CSGALNACT1: variants seen among roughly 807,000 people sequenced by gnomAD.
CSGALNACT1 encodes beta4GalNAcT-1.
In CSGALNACT1, 52 loss-of-function variants were observed where a neutral mutation model predicts 51.0. The observed-to-expected ratio is 1.02, with a 90% CI of 0.82 to 1.29. The LOEUF (loss-of-function observed/expected upper bound fraction) is 1.29. Among genes scored for constraint, CSGALNACT1 ranks in the 50% most tolerant of loss-of-function variants. The pLI is 0.00. For synonymous variants in CSGALNACT1, 341 were observed against 254.4 expected (o/e 1.34, Z -3.24); for missense variants, 935 against 679.2 (o/e 1.38, Z -4.19).
intron 1 of CSGALNACT1, among the ~76,000 whole-genome samples, chr8:19,691,889 C>T (rs1214771883): frequency 2.1e-5 from 3 of 143,664 alleles, no homozygotes; most frequent in African/African-American, 4.9e-5. Flanking sequence ...TGTATTGCAC[C>T]GTTTTCACAC....
intron 1 of CSGALNACT1, among the ~76,000 whole-genome samples, chr8:19,659,664 A>G (rs1031356686): frequency 3.3e-5 from 5 of 152,204 alleles, no homozygotes; most frequent in African/African-American, 1.2e-4. Flanking sequence ...TCTTTTACAT[A>G]TGAGTATAGA....
exon 10 of CSGALNACT1, chr8:19,404,550 A>C (rs1161447659): frequency 2.2e-6 from 1 of 453,500 alleles, no homozygotes; most frequent in Non-Finnish European, 4.4e-6. Context: ...TGGGGTGGAT[A>C]ACATGTAGCA....
intron 1 of CSGALNACT1, among the ~76,000 whole-genome samples, chr8:19,740,697 T>C (rs138682546): frequency 6.6e-6 from 1 of 152,274 alleles, no homozygotes; most frequent in African/African-American, 2.4e-5. Context: ...TGGATGCACA[T>C]TTCTGGTAAA....
At chr8:19,513,718 T>C (rs1310095744) in intron 3 of CSGALNACT1, among the ~76,000 whole-genome samples, 2 of 152,068 alleles carry the variant, frequency 1.3e-5, no homozygotes, top group East Asian at 3.9e-4. Flanking sequence ...CCATATGGTA[T>C]AGCCTATTGC....
At chr8:19,656,590 C>T (rs1311809957) in intron 1 of CSGALNACT1, among the ~76,000 whole-genome samples, 2 of 99,314 alleles carry the variant, frequency 2.0e-5, no homozygotes, top group African/African-American at 3.8e-5. Flanking sequence ...GGAGAAACTA[C>T]GCCCCCCCCC....
chr8:19,571,504 C>T (rs1045177511), intron 3 of CSGALNACT1, among the ~76,000 whole-genome samples: 6 of 150,718 alleles, frequency 4.0e-5, no homozygotes, highest in South Asian at 2.1e-4. Flanking sequence ...GGGAAAGAGT[C>T]GCTGTCAGCT....
Position 19,477,361 on chromosome 8 carries a change from C to T in CSGALNACT1, c.635-18719G>A, listed in dbSNP as rs980154254. 4.6e-5 allele frequency among the ~76,000 whole-genome samples: 7 copies of T among 152,104 alleles called. No individual in the cohort carries two copies. The East Asian group carries it at 1.2e-3, about 25-fold the overall frequency. ...ACGTGGACAAATGGGTGGCTAAGAC[C>T]CCAAAATCCCACACAACTGAGCACG... is the stretch of plus-strand genomic sequence containing the variant. On this transcript the variant is annotated intron_variant, in intron 4 of 9. Coordinates refer to ENST00000454498, the Ensembl canonical transcript of CSGALNACT1.
intron 1 of CSGALNACT1, among the ~76,000 whole-genome samples, chr8:19,632,153 G>T (rs1412817111): frequency 6.6e-6 from 1 of 152,208 alleles, no homozygotes; most frequent in Non-Finnish European, 1.5e-5. Flanking sequence ...TGAAGAAAGA[G>T]AAATCACCCA....
At chr8:19,478,258 CA>C (rs1259501397) in intron 4 of CSGALNACT1, among the ~76,000 whole-genome samples, 1 of 151,674 alleles carries the variant, frequency 6.6e-6, no homozygotes, top group African/African-American at 2.4e-5. Context: ...ACTAAAAATA[CA>C]AAAAATTGGC....
chr8:19,480,933 T>C (rs938660052), intron 4 of CSGALNACT1, among the ~76,000 whole-genome samples: 2 of 152,178 alleles, frequency 1.3e-5, no homozygotes, highest in Admixed American at 1.3e-4. Flanking sequence ...TCCCCTCTTG[T>C]GCCCTGCTGT....
At chr8:19,649,841 A>AAAAAAAAAAAAAAAAC (rs1564347596) in intron 1 of CSGALNACT1, among the ~76,000 whole-genome samples, 1 of 149,030 alleles carries the variant, frequency 6.7e-6, no homozygotes, top group Non-Finnish European at 1.5e-5. Context: ...AAAAAAAAAA[A>AAAAAAAAAAAAAAAAC]AAAACCACGG....
intron 3 of CSGALNACT1, among the ~76,000 whole-genome samples, chr8:19,523,378 C>T (rs2081091391): frequency 6.6e-6 from 1 of 152,206 alleles, no homozygotes; most frequent in Admixed American, 6.5e-5. Context: ...CATCCTCCCA[C>T]CTCGGCCTCT....
intron 3 of CSGALNACT1, among the ~76,000 whole-genome samples, chr8:19,534,356 C>T (rs1036638110): frequency 6.6e-6 from 1 of 151,960 alleles, no homozygotes; most frequent in African/African-American, 2.4e-5. Flanking sequence ...GAGGCTGAGG[C>T]AGCAGAATAG....
intron 1 of CSGALNACT1, among the ~76,000 whole-genome samples, chr8:19,704,288 T>G (rs2062038092): frequency 6.6e-6 from 1 of 152,246 alleles, no homozygotes; most frequent in East Asian, 1.9e-4. Flanking sequence ...GATATTATAT[T>G]GTTAGATGGA....
intron 3 of CSGALNACT1, among the ~76,000 whole-genome samples, chr8:19,507,587 C>T (rs186418762): frequency 4.2e-4 from 60 of 142,432 alleles, no homozygotes; most frequent in African/African-American, 1.4e-3. Context: ...AATAGAATTT[C>T]TTGTCTAGGG....
At chr8:19,464,303 T>C (rs908635378) in intron 4 of CSGALNACT1, among the ~76,000 whole-genome samples, 1 of 151,958 alleles carries the variant, frequency 6.6e-6, no homozygotes, top group African/African-American at 2.4e-5. Flanking sequence ...CACATATATA[T>C]TTTGGCCCTT....
chr8:19,724,804 C>A (rs948727581), intron 1 of CSGALNACT1, among the ~76,000 whole-genome samples: 1 of 152,186 alleles, frequency 6.6e-6, no homozygotes, highest in Non-Finnish European at 1.5e-5. Context: ...CACAGTGCAT[C>A]CTCTGCGTGT....
intron 3 of CSGALNACT1, among the ~76,000 whole-genome samples, chr8:19,530,092 C>A (rs372946082): frequency 1.3e-5 from 2 of 152,018 alleles, no homozygotes; most frequent in East Asian, 1.9e-4. Context: ...CATAGTGGTG[C>A]GTGCCTGTAA....
At chr8:19,536,501 C>T (rs1489299305) in intron 3 of CSGALNACT1, among the ~76,000 whole-genome samples, 5 of 151,958 alleles carry the variant, frequency 3.3e-5, no homozygotes, top group African/African-American at 1.2e-4. Context: ...CTACAAGACA[C>T]AGATGAAAAT....
Sources: allele counts gnomAD v4.1 joint callset (sites outside exome capture counted in the v4.1 genomes callset), GRCh38; gene constraint gnomAD v4.1.1; transcripts MANE v1.5; gene names NCBI Gene and HGNC (gene_info 2026-07-23, HGNC 2026-07-21).